Variants in CASD1 observed in about 807,000 individuals in gnomAD.
The protein encoded by CASD1 is CAS1 domain sialic acid O acetyltransferase 1, also known as N-acetylneuraminate (7)9-O-acetyltransferase.
Under a neutral mutation model 100.0 loss-of-function variants are expected in CASD1, and 41 were observed. The observed-to-expected ratio is 0.41, with a 90% confidence interval of 0.32 to 0.53. The LOEUF (loss-of-function observed/expected upper bound fraction) is 0.53, where lower values mean the gene tolerates loss of function less well. Ranked by LOEUF, CASD1 falls within the 20% of genes least tolerant of loss-of-function variation. The probability of loss-of-function intolerance (pLI) is 0.25; values close to 1 mark genes in which losing one functional copy is unlikely to be tolerated. For synonymous variants in CASD1, 321 were observed against 315.6 expected, an observed-to-expected ratio of 1.02 and a Z score of -0.18; for missense variants, 774 against 948.7, an observed-to-expected ratio of 0.82 and a Z score of 2.42.
At chr7:94,526,813 TCAAA>T (rs1794592980) in intron 3 of CASD1, among the ~76,000 whole-genome samples, 1 of 151,868 alleles carries the variant, frequency 6.6e-6, no homozygotes, top group East Asian at 1.9e-4. Flanking sequence ...CAAAATCAAA[TCAAA>T]CAAAAAATAG....
chr7:94,552,299 G>T (rs929676141), intron 15 of CASD1, 51 bp from the exon 16 acceptor site: 1 of 1,208,620 alleles, frequency 8.3e-7, no homozygotes. Context: ...TGAGGCTTAT[G>T]CCTCTTCCAG....
chr7:94,574,027 A>G, the CASD1 span, among the ~76,000 whole-genome samples: 1 of 152,186 alleles, frequency 6.6e-6, no homozygotes, highest in African/African-American at 2.4e-5. Flanking sequence ...GTGATTAATC[A>G]CATTTATTGA....
At position 94,532,506 on chromosome 7, in the gene CASD1, G is replaced by A. The variant is rs187493618; in HGVS notation, c.460-699G>A. On this transcript the variant is annotated intron_variant, in intron 5 of 17. Transcript: ENST00000297273. ...TTCACATCCCAGGAGAGACAGTGCC[G>A]GATAGCATGAGACTTTATCATGTTA... Among the ~76,000 whole-genome samples the A allele has an allele frequency of 3.9e-5, 6 of 152,152 alleles. No individual in the cohort carries two copies. In the East Asian group the frequency reaches 7.7e-4, roughly 20 times the overall value.
chr7:94,537,189 A>C (rs1795164001), intron 8 of CASD1, among the ~76,000 whole-genome samples: 1 of 152,114 alleles, frequency 6.6e-6, no homozygotes, highest in African/African-American at 2.4e-5. Context: ...CTCAGAGTGC[A>C]TTCCAAGTCG....
chr7:94,515,989 A>G (rs979494489), intron 1 of CASD1, among the ~76,000 whole-genome samples: 3 of 152,110 alleles, frequency 2.0e-5, no homozygotes, highest in African/African-American at 7.2e-5. Context: ...TTGTAGAAAA[A>G]TAACTTGTGT....
the CASD1 span, chr7:94,629,971 G>A: frequency 1.0e-6 from 1 of 990,150 alleles, no homozygotes. Context: ...GAAGCAACAT[G>A]CAAGGAAACT....
the CASD1 span, chr7:94,628,635 G>C: frequency 5.1e-6 from 2 of 388,536 alleles, no homozygotes; most frequent in South Asian, 5.3e-5. Context: ...CAGTGATATA[G>C]TTCTGCCAGT....
intron 3 of CASD1, among the ~76,000 whole-genome samples, chr7:94,520,812 C>T (rs987683103): frequency 1.3e-5 from 2 of 151,878 alleles, no homozygotes; most frequent in African/African-American, 2.4e-5. Context: ...AAAAATAAGG[C>T]CGGGTGTGGT....
the CASD1 span, chr7:94,628,489 A>G: frequency 4.4e-6 from 3 of 674,254 alleles, no homozygotes; most frequent in East Asian, 5.5e-5. Flanking sequence ...CACACATACA[A>G]AACCCATCTG....
Position 94,555,869 on chromosome 7 carries a change from G to A in CASD1, c.*111G>A. 8.9e-7 allele frequency: 1 copy of A among 1,121,120 alleles called. No individual in the cohort carries two copies. The highest frequency in any genetic ancestry group is 1.3e-6 in the Non-Finnish European group (1 of 793,890). 69.4% of individuals were successfully genotyped at this position (1,121,120 alleles called of 1,614,324 possible). On this transcript the variant is annotated 3_prime_UTR_variant, in exon 18 of 18. Coordinates refer to ENST00000297273, the MANE Select transcript of CASD1 (RefSeq NM_022900.5). ...TGTGTATGTAAATATAAACGTTTGT[G>A]GCAAGAGGACAGTTCTGTGACATCT...
intron 3 of CASD1, among the ~76,000 whole-genome samples, chr7:94,526,733 C>T (rs988080059): frequency 5.3e-5 from 8 of 152,174 alleles, no homozygotes; most frequent in Non-Finnish European, 1.2e-4. Flanking sequence ...GCGGAGGTTG[C>T]AATGAACCGA....
chr7:94,557,792 T>C (rs1796257191), downstream of CASD1, among the ~76,000 whole-genome samples: 1 of 151,880 alleles, frequency 6.6e-6, no homozygotes, highest in African/African-American at 2.4e-5. Flanking sequence ...AATTTATTTG[T>C]AGTTAAAAAT....
At chr7:94,620,821 GAGCTGGGC>G in the CASD1 span, 1 of 152,202 alleles carries the variant, frequency 6.6e-6, no homozygotes, top group Non-Finnish European at 1.5e-5. Context: ...CAGAGGCTTT[GAGCTGGGC>G]AGCTGCCTGC....
At chr7:94,567,972 T>G in the CASD1 span, among the ~76,000 whole-genome samples, 1 of 152,154 alleles carries the variant, frequency 6.6e-6, no homozygotes, top group African/African-American at 2.4e-5. Context: ...GTTCATATGA[T>G]TCCAACATGA....
chr7:94,592,951 G>A, the CASD1 span, among the ~76,000 whole-genome samples: 2 of 152,134 alleles, frequency 1.3e-5, no homozygotes, highest in East Asian at 3.9e-4. Context: ...ATATATTTTT[G>A]GAAAACAATG....
chr7:94,586,085 A>AC, the CASD1 span, among the ~76,000 whole-genome samples: 43 of 150,792 alleles, frequency 2.9e-4, 1 homozygote, highest in Non-Finnish European at 3.5e-4. Context: ...AAAAAAAAAA[A>AC]AACAACAACT....
At chr7:94,573,844 A>T in the CASD1 span, among the ~76,000 whole-genome samples, 32 of 152,328 alleles carry the variant, frequency 2.1e-4, no homozygotes, top group Non-Finnish European at 4.4e-4. Context: ...TTGCCCATTC[A>T]GTATAATGTT....
chr7:94,593,732 T>G, the CASD1 span, among the ~76,000 whole-genome samples: 2 of 152,020 alleles, frequency 1.3e-5, no homozygotes, highest in African/African-American at 2.4e-5. Context: ...AGCTCCAACC[T>G]CCTAGACAAT....
At chr7:94,568,519 A>G in the CASD1 span, among the ~76,000 whole-genome samples, 1 of 152,224 alleles carries the variant, frequency 6.6e-6, no homozygotes, top group Admixed American at 6.5e-5. Context: ...AAGTAAATCC[A>G]AAGATAGACT....
Sources: allele counts gnomAD v4.1 joint callset (sites outside exome capture counted in the v4.1 genomes callset), GRCh38; gene constraint gnomAD v4.1.1; transcripts MANE v1.5; gene names NCBI Gene and HGNC (gene_info 2026-07-23, HGNC 2026-07-21).